Variants in MGAT4C observed in about 807,000 individuals in gnomAD.
MGAT4C encodes the protein MGAT4 family member C.
In MGAT4C, 19 loss-of-function variants were observed where a neutral mutation model predicts 40.1. That is an observed-to-expected ratio of 0.47 (90% CI 0.33 to 0.70). MGAT4C has a LOEUF of 0.70. Among genes scored for constraint, MGAT4C ranks in the 30% least tolerant of loss-of-function variants. The pLI is 0.02. For missense variants in MGAT4C, 491 were observed against 563.2 expected (o/e 0.87, Z 1.30); for synonymous variants, 181 against 187.1 (o/e 0.97, Z 0.27).
intron 1 of MGAT4C, among the ~76,000 whole-genome samples, chr12:86,204,854 T>C: frequency 6.6e-6 from 1 of 152,126 alleles, no homozygotes; most frequent in South Asian, 2.1e-4. Context: ...AAAACATTAT[T>C]GAAAACCCAA....
chr12:86,715,843 A>G (rs966017443), intron 2 of MGAT4C, among the ~76,000 whole-genome samples: 42 of 152,160 alleles, frequency 2.8e-4, no homozygotes, highest in African/African-American at 8.7e-4. Flanking sequence ...AAATTTCAAA[A>G]GGGAAAATAT....
At chr12:86,141,743 T>C (rs1476808972) in intron 1 of MGAT4C, among the ~76,000 whole-genome samples, 3 of 152,146 alleles carry the variant, frequency 2.0e-5, no homozygotes, top group Non-Finnish European at 4.4e-5. Flanking sequence ...GCTTTTTAAG[T>C]TTCAGAGGAA....
chr12:86,774,327 C>CTTTCTTTCTTTCTTTCTTTCTT (rs1565981576), intron 1 of MGAT4C, among the ~76,000 whole-genome samples: 6 of 102,610 alleles, frequency 5.8e-5, no homozygotes, highest in Middle Eastern at 4.4e-3. Context: ...TTCTTTCTTT[C>CTTTCTTTCTTTCTTTCTTTCTT]TTTCTTTCTT....
At chr12:86,336,984 G>T (rs556541557) in intron 3 of MGAT4C, among the ~76,000 whole-genome samples, 57 of 152,144 alleles carry the variant, frequency 3.7e-4, no homozygotes, top group African/African-American at 1.2e-3. Context: ...ATAATATTAG[G>T]CAAGTTGTCT....
chr12:86,529,146 A>G (rs1958935497), intron 2 of MGAT4C, among the ~76,000 whole-genome samples: 1 of 152,122 alleles, frequency 6.6e-6, no homozygotes, highest in Non-Finnish European at 1.5e-5. Flanking sequence ...CCAAAGGGGC[A>G]AGTGCATTAA....
rs996740024 is a variant in MGAT4C at position 86,054,882 on chromosome 12, T to A, written c.-56-5159A>T. Among the ~76,000 whole-genome samples, 12 of 151,258 alleles carry A rather than the reference T, an allele frequency of 7.9e-5. No individual in the cohort carries two copies. In the Admixed American group the frequency reaches 7.9e-4, roughly 10 times the overall value. On this transcript the variant is annotated intron_variant, in intron 1 of 4. Coordinates refer to ENST00000611864, the MANE Select transcript of MGAT4C (RefSeq NM_001351288.2). ...ATTTAGTGCATAATCAGAAAAAACA[T>A]CTCGGTTTTAAAGGAGAATTTTCCT...
intron 3 of MGAT4C, among the ~76,000 whole-genome samples, chr12:86,357,530 C>T (rs867704076): frequency 7.9e-5 from 12 of 152,006 alleles, no homozygotes; most frequent in African/African-American, 2.4e-4. Flanking sequence ...CAAACTTCTC[C>T]GAGCTAAAGG....
chr12:86,519,481 T>G (rs2136357487), intron 2 of MGAT4C, among the ~76,000 whole-genome samples: 1 of 152,282 alleles, frequency 6.6e-6, no homozygotes, highest in East Asian at 1.9e-4. Context: ...ACCTCCATAC[T>G]GTTCTCCACA....
Position 85,955,827 on chromosome 12 carries a change from AAAGGTTTACAAT to A in MGAT4C, c.*23450_*23461del, listed in dbSNP as rs1235131796. 6.6e-6 allele frequency: 1 copy of A among 152,204 alleles called. No homozygotes were observed. The highest frequency in any genetic ancestry group is 2.4e-5 in the African/African-American group (1 of 41,472). 9.4% of individuals were successfully genotyped at this position (152,204 alleles called of 1,614,324 possible). Reference sequence around the variant, plus strand: ...TGCAGACTTTAAAAAAATACAGGACAAAGGTTTACAATAACTATTTGTGCTAGCTAATGAAGA... The same window carrying A: ...TGCAGACTTTAAAAAAATACAGGACAAACTATTTGTGCTAGCTAATGAAGA... On this transcript the variant is annotated 3_prime_UTR_variant, in exon 5 of 5. Transcript: ENST00000611864.
chr12:86,711,277 G>C (rs946994345), intron 2 of MGAT4C, among the ~76,000 whole-genome samples: 1 of 152,186 alleles, frequency 6.6e-6, no homozygotes, highest in South Asian at 2.1e-4. Flanking sequence ...GAGCCAAAAG[G>C]GGGTAAAGAT....
intron 2 of MGAT4C, among the ~76,000 whole-genome samples, chr12:86,587,509 G>A (rs1284792176): frequency 7.2e-5 from 11 of 151,774 alleles, no homozygotes; most frequent in Non-Finnish European, 1.6e-4. Flanking sequence ...AGCTTGATGG[G>A]GATGGCATTG....
rs112881556 is a variant in MGAT4C at position 86,506,598 on chromosome 12, A to C, written c.-228-71333T>G. On this transcript the variant is annotated intron_variant, in intron 2 of 7. Transcript: ENST00000548651. ...GATAATTAGACATTAATGATGAAAAACCTGTTTTTAATTTGTGGTTTATTA... is the reference window on the plus strand; with the variant it reads ...GATAATTAGACATTAATGATGAAAACCCTGTTTTTAATTTGTGGTTTATTA... Among the ~76,000 whole-genome samples the C allele has an allele frequency of 3.4e-3, 511 of 152,266 alleles. 1 individual carries two copies. The highest frequency in any genetic ancestry group is 0.012 in the African/African-American group (494 of 41,558).
chr12:86,197,228 A>G (rs1048281283), intron 1 of MGAT4C, among the ~76,000 whole-genome samples: 1 of 152,198 alleles, frequency 6.6e-6, no homozygotes, highest in Non-Finnish European at 1.5e-5. Flanking sequence ...ACCTTTGTTC[A>G]TGTATCTACC....
At chr12:86,116,666 C>T (rs1443688145) in intron 1 of MGAT4C, among the ~76,000 whole-genome samples, 1 of 151,924 alleles carries the variant, frequency 6.6e-6, no homozygotes, top group African/African-American at 2.4e-5. Context: ...GAGTGAATTA[C>T]CTCATGGGAA....
intron 3 of MGAT4C, among the ~76,000 whole-genome samples, chr12:86,425,992 A>C (rs1401725105): frequency 1.3e-5 from 2 of 152,208 alleles, no homozygotes; most frequent in South Asian, 4.1e-4. Flanking sequence ...TTATCTCAAT[A>C]AAATAAAAAT....
At chr12:86,640,566 T>C (rs1019581068) in intron 2 of MGAT4C, among the ~76,000 whole-genome samples, 2 of 152,020 alleles carry the variant, frequency 1.3e-5, no homozygotes, top group Non-Finnish European at 2.9e-5. Flanking sequence ...CCTGGATTCG[T>C]TAATTTTTTG....
At chr12:86,082,707 A>G (rs1323673983) in intron 1 of MGAT4C, among the ~76,000 whole-genome samples, 1 of 152,152 alleles carries the variant, frequency 6.6e-6, no homozygotes, top group Non-Finnish European at 1.5e-5. Context: ...TCTCCATAAA[A>G]TACATTTCTA....
chr12:86,155,260 T>C (rs1476991651), intron 1 of MGAT4C, among the ~76,000 whole-genome samples: 1 of 152,204 alleles, frequency 6.6e-6, no homozygotes, highest in Non-Finnish European at 1.5e-5. Context: ...CATAGAACTT[T>C]GTAGGCAACG....
At chr12:86,424,975 C>T (rs1956898724) in intron 3 of MGAT4C, among the ~76,000 whole-genome samples, 1 of 152,100 alleles carries the variant, frequency 6.6e-6, no homozygotes, top group African/African-American at 2.4e-5. Context: ...CCAGGATGGT[C>T]TTGATCTTCT....
Sources: allele counts gnomAD v4.1 joint callset (sites outside exome capture counted in the v4.1 genomes callset), GRCh38; gene constraint gnomAD v4.1.1; transcripts MANE v1.5; gene names NCBI Gene and HGNC (gene_info 2026-07-23, HGNC 2026-07-21).